The following PARD3B variants were observed in gnomAD, a reference collection of about 807,000 sequenced individuals.
PARD3B encodes partitioning defective 3 homolog B.
A neutral mutation model predicts 130.2 loss-of-function variants in PARD3B; 103 were observed. The observed-to-expected ratio is 0.79, with a 90% confidence interval of 0.67 to 0.93. The LOEUF (loss-of-function observed/expected upper bound fraction) is 0.93. PARD3B is among the 40% of genes least tolerant of loss of function. The probability of loss-of-function intolerance (pLI) is 0.00; values close to 1 mark genes in which losing one functional copy is unlikely to be tolerated. For missense variants in PARD3B, 1,609 were observed against 1,499.2 expected (o/e 1.07, Z -1.21); for synonymous variants, 583 against 553.2 (o/e 1.05, Z -0.76).
chr2:204,971,451 C>T (rs552218794), intron 3 of PARD3B, among the ~76,000 whole-genome samples: 2 of 152,260 alleles, frequency 1.3e-5, no homozygotes, highest in South Asian at 4.1e-4. Context: ...GGCTGTGAAA[C>T]CCAGAGTTAA....
intron 2 of PARD3B, among the ~76,000 whole-genome samples, chr2:204,739,070 AAATCTACTTTTT>A (rs1157093137): frequency 6.6e-6 from 1 of 152,144 alleles, no homozygotes; most frequent in Non-Finnish European, 1.5e-5. Flanking sequence ...ACAATTTTTT[AAATCTACTTTTT>A]AATCTACTTA....
At chr2:205,249,006 GT>G (rs10707308) in intron 16 of PARD3B, among the ~76,000 whole-genome samples, 25,003 of 94,792 alleles carry the variant, frequency 0.26, 1,833 homozygotes, top group African/African-American at 0.39. Context: ...TAAAATAAGA[GT>G]TTTTTTTTTT....
chr2:205,413,193 G>A (rs969749842), intron 19 of PARD3B, among the ~76,000 whole-genome samples: 1 of 152,126 alleles, frequency 6.6e-6, no homozygotes, highest in African/African-American at 2.4e-5. Context: ...CTAGCCTTCA[G>A]AGTTCCTATA....
intron 1 of PARD3B, among the ~76,000 whole-genome samples, chr2:204,549,704 G>A (rs1157537264): frequency 1.3e-5 from 2 of 150,486 alleles, no homozygotes; most frequent in Admixed American, 6.6e-5. Flanking sequence ...TTTGATGGCA[G>A]ATACTGTGTC....
intron 3 of PARD3B, among the ~76,000 whole-genome samples, chr2:205,010,620 G>A (rs1048624129): frequency 6.6e-6 from 1 of 152,054 alleles, no homozygotes; most frequent in African/African-American, 2.4e-5. Flanking sequence ...ATAATTCTAG[G>A]CTAGAAATCT....
intron 18 of PARD3B, 45 bp from the exon 19 acceptor site, chr2:205,400,968 A>G (rs2106013224): frequency 7.0e-7 from 1 of 1,428,348 alleles, no homozygotes; most frequent in East Asian, 2.4e-5. Flanking sequence ...TACCGCAAAA[A>G]CAATGTGATT....
In PARD3B at chr2:205,460,846, T is replaced by G. The variant is rs1257135454; in HGVS notation, c.3044+20174T>G. On this transcript the variant is annotated intron_variant, in intron 20 of 22. Transcript: ENST00000406610. The surrounding 1 kb of genome is among the most constrained non-coding windows in gnomAD (Gnocchi z 4.9). ...CTACCACTATTGGTTGAAGTGCCCT[T>G]TATTTGACCCGTCAAATAGAGGATC... is the stretch of plus-strand genomic sequence containing the variant. 6.6e-6 allele frequency among the ~76,000 whole-genome samples: 1 copy of G among 152,142 alleles called. No individual in the cohort carries two copies. Among genetic ancestry groups the G allele is most frequent in the African/African-American group, 2.4e-5 (1 of 41,442 alleles).
chr2:204,877,885 G>A (rs2045902680), intron 2 of PARD3B, among the ~76,000 whole-genome samples: 1 of 152,140 alleles, frequency 6.6e-6, no homozygotes, highest in Non-Finnish European at 1.5e-5. Context: ...TCTGGCTACA[G>A]CAATTTAACT....
At chr2:204,926,085 C>G (rs537375936) in intron 2 of PARD3B, among the ~76,000 whole-genome samples, 15 of 152,108 alleles carry the variant, frequency 9.9e-5, no homozygotes, top group Admixed American at 7.9e-4. Flanking sequence ...TGAGAACGAA[C>G]TAACACACCT....
At chr2:204,560,287 A>G (rs1365536993) in intron 1 of PARD3B, among the ~76,000 whole-genome samples, 1 of 152,194 alleles carries the variant, frequency 6.6e-6, no homozygotes, top group East Asian at 1.9e-4. Flanking sequence ...TCTAAAAGTC[A>G]CTTTAGTCAC....
At chr2:204,854,799 G>A (rs1430464961) in intron 2 of PARD3B, among the ~76,000 whole-genome samples, 1 of 152,028 alleles carries the variant, frequency 6.6e-6, no homozygotes, top group Non-Finnish European at 1.5e-5. Context: ...GTGTTGTCTG[G>A]GATATACACC....
intron 2 of PARD3B, among the ~76,000 whole-genome samples, chr2:204,894,198 G>A (rs1029751383): frequency 5.9e-5 from 9 of 152,040 alleles, no homozygotes; most frequent in African/African-American, 1.9e-4. Flanking sequence ...ATACATGTTG[G>A]TATTCAGAGA....
rs566925606 is a variant in PARD3B, at chr2:205,220,819, G to T, written c.2141-24959G>T. ...TCTGTGAGAATAGCACCACAGTATG[G>T]AAAAGAGCATGTTCCAAAACCTTGA... On this transcript the variant is annotated intron_variant, in intron 15 of 22. Transcript: ENST00000406610. 1.0e-3 allele frequency among the ~76,000 whole-genome samples: 154 copies of T among 152,168 alleles called. 1 individual carries two copies. The highest frequency in any genetic ancestry group is 1.9e-3 in the Non-Finnish European group (126 of 68,028).
chr2:204,878,877 G>A (rs1359177905), intron 2 of PARD3B, among the ~76,000 whole-genome samples: 1 of 152,104 alleles, frequency 6.6e-6, no homozygotes, highest in African/African-American at 2.4e-5. Flanking sequence ...TTATAGGAAT[G>A]CTACACAGGA....
At position 205,564,954 on chromosome 2, in the gene PARD3B, AC is replaced by A. The variant is rs1412148175; in HGVS notation, c.3260+11554del. 6.6e-6 allele frequency among the ~76,000 whole-genome samples: 1 copy of A among 152,002 alleles called. No individual in the cohort carries two copies. The highest frequency in any genetic ancestry group is 1.5e-5 in the Non-Finnish European group (1 of 68,010). On this transcript the variant is annotated intron_variant, in intron 22 of 22. Transcript: ENST00000406610. This position sits in a 1 kb window ranked among gnomAD's most constrained non-coding sequence, Gnocchi z 4.6. Reference sequence around the variant, plus strand: ...TTGCCCCACTCTGCAATCAGAACTGACCCTTATGGCCGAACATGGAATGACA... The same window carrying A: ...TTGCCCCACTCTGCAATCAGAACTGACCTTATGGCCGAACATGGAATGACA...
chr2:204,926,165 G>A (rs1687601696), intron 2 of PARD3B, among the ~76,000 whole-genome samples: 2 of 151,944 alleles, frequency 1.3e-5, no homozygotes. Context: ...CTAGGCACCT[G>A]GATTTGTCAC....
At position 205,607,845 on chromosome 2, in the gene PARD3B, C is replaced by T. The variant is rs1206195648; in HGVS notation, c.3261-7611C>T. Among the ~76,000 whole-genome samples the T allele has an allele frequency of 3.8e-3, 569 of 149,676 alleles. 7 individuals carry two copies. Among genetic ancestry groups the T allele is most frequent in the African/African-American group, 0.013 (535 of 40,996 alleles). ...CCCAACACCCATACACACACACACACACACACACACACACACACACACACA... is the reference window on the plus strand; with the variant it reads ...CCCAACACCCATACACACACACACATACACACACACACACACACACACACA... On this transcript the variant is annotated intron_variant, in intron 22 of 22. Coordinates refer to ENST00000406610, the MANE Select transcript of PARD3B (RefSeq NM_001302769.2).
At position 205,158,784 on chromosome 2, in the gene PARD3B, C is replaced by T. The variant is rs375618687; in HGVS notation, c.1497C>T (p.Ile499=). 2 of 1,614,126 alleles carry T rather than the reference C, an allele frequency of 1.2e-6. No homozygotes were observed. Among genetic ancestry groups the T allele is most frequent in the South Asian group, 2.2e-5 (2 of 91,080 alleles). The change falls in exon 11 of 23, where the codon ATC becomes ATT. Residue 499 remains isoleucine, a synonymous_variant. Coordinates refer to ENST00000406610, the MANE Select transcript of PARD3B (RefSeq NM_001302769.2). The surrounding 1 kb of genome is among the most constrained non-coding windows in gnomAD (Gnocchi z 5.4). ...LETSEQLTFE[I]PLNDSGSAGL... is the part of the protein sequence containing the mutation. ...CAAGCGAGCAGCTCACCTTTGAGAT[C>T]CCCCTGAATGATTCAGGTTCTGCTG...
chr2:205,184,821 T>C (rs534711702), intron 13 of PARD3B, among the ~76,000 whole-genome samples: 1 of 152,088 alleles, frequency 6.6e-6, no homozygotes, highest in Admixed American at 6.6e-5. Context: ...CTCATATTCC[T>C]CCAGTAAAGG....
Sources: gnomAD v4.1 joint callset for allele counts (sites outside exome capture counted in the v4.1 genomes callset) on GRCh38, gnomAD v4.1.1 for gene constraint, Gnocchi (gnomAD v3.1) non-coding constraint, MANE v1.5 for transcripts, NCBI Gene and HGNC (gene_info 2026-07-23, HGNC 2026-07-21) for gene names.